The following FSTL4 variants were observed in gnomAD, a reference collection of about 807,000 sequenced individuals.
The protein encoded by FSTL4 is follistatin-related protein 4.
A neutral mutation model predicts 78.2 loss-of-function variants in FSTL4; 28 were observed. That is an observed-to-expected ratio of 0.36 (90% confidence interval 0.27 to 0.49). The LOEUF (loss-of-function observed/expected upper bound fraction) is 0.49, where lower values mean the gene tolerates loss of function less well. FSTL4 is among the 20% of genes least tolerant of loss of function. The pLI, the probability that FSTL4 is intolerant of heterozygous loss-of-function variation, is 0.98. For synonymous variants in FSTL4, 422 were observed against 440.5 expected (o/e 0.96, Z 0.53); for missense variants, 922 against 1,084.9 (o/e 0.85, Z 2.11).
chr5:133,799,484 C>T, the FSTL4 span, among the ~76,000 whole-genome samples: 2 of 138,834 alleles, frequency 1.4e-5, 1 homozygote, highest in African/African-American at 5.3e-5. Flanking sequence ...GAGCTCCTGA[C>T]AGGTGAGCCA....
At chr5:133,421,664 G>A (rs1756699569) in intron 3 of FSTL4, among the ~76,000 whole-genome samples, 1 of 152,214 alleles carries the variant, frequency 6.6e-6, no homozygotes, top group Non-Finnish European at 1.5e-5. Flanking sequence ...TCTAAGTGCT[G>A]CTCTCAGGAG....
chr5:133,828,396 GTC>G, the FSTL4 span, among the ~76,000 whole-genome samples: 395 of 152,266 alleles, frequency 2.6e-3, 4 homozygotes, highest in African/African-American at 8.9e-3. Flanking sequence ...ACTGTGCTTT[GTC>G]TCTATTTTCC....
At chr5:133,782,670 ACT>A in the FSTL4 span, among the ~76,000 whole-genome samples, 1 of 152,132 alleles carries the variant, frequency 6.6e-6, no homozygotes, top group African/African-American at 2.4e-5. Flanking sequence ...CATCCGTCAA[ACT>A]CTCTGTGACA....
At chr5:133,217,121 G>C in intron 13 of FSTL4, 108 bp downstream of exon 13, 1 of 842,660 alleles carries the variant, frequency 1.2e-6, no homozygotes, top group Non-Finnish European at 1.9e-6. Flanking sequence ...TCTCCCTTCA[G>C]TCTGACCACC....
the FSTL4 span, among the ~76,000 whole-genome samples, chr5:133,659,337 A>C: frequency 6.6e-6 from 1 of 152,062 alleles, no homozygotes; most frequent in Non-Finnish European, 1.5e-5. Context: ...TGTTTTACCA[A>C]TATATAGCAT....
chr5:133,222,056 C>A (rs1751152974), intron 11 of FSTL4, among the ~76,000 whole-genome samples: 3 of 151,736 alleles, frequency 2.0e-5, no homozygotes, highest in African/African-American at 7.3e-5. Context: ...GTTTTCTGGG[C>A]CTTGGGTCCT....
At chr5:133,282,377 G>A (rs181399482) in intron 6 of FSTL4, among the ~76,000 whole-genome samples, 50 of 152,284 alleles carry the variant, frequency 3.3e-4, no homozygotes, top group African/African-American at 1.1e-3. Context: ...TTCCAGGGTA[G>A]GAAATCTGTG....
At chr5:133,750,472 C>T in the FSTL4 span, among the ~76,000 whole-genome samples, 1 of 152,124 alleles carries the variant, frequency 6.6e-6, no homozygotes, top group Non-Finnish European at 1.5e-5. Flanking sequence ...AGCCCAGGCC[C>T]CCCAGGGTGT....
At chr5:133,738,344 A>T in the FSTL4 span, among the ~76,000 whole-genome samples, 1 of 152,236 alleles carries the variant, frequency 6.6e-6, no homozygotes, top group Non-Finnish European at 1.5e-5. Context: ...AGAGCATTTC[A>T]TAACTCAGAC....
At chr5:133,356,568 T>G (rs1754949032) in intron 4 of FSTL4, among the ~76,000 whole-genome samples, 1 of 152,238 alleles carries the variant, frequency 6.6e-6, no homozygotes, top group African/African-American at 2.4e-5. Context: ...CTCTCAGCTT[T>G]CTTCAGATGG....
chr5:133,673,611 C>T, the FSTL4 span, among the ~76,000 whole-genome samples: 148 of 152,334 alleles, frequency 9.7e-4, 2 homozygotes, highest in Admixed American at 8.5e-4. Context: ...TCATCTGCTT[C>T]TACTTTGAAT....
chr5:133,614,873 G>A (rs1001559878), upstream of FSTL4, among the ~76,000 whole-genome samples: 1 of 152,122 alleles, frequency 6.6e-6, no homozygotes, highest in Non-Finnish European at 1.5e-5. Flanking sequence ...TTCAGCCAGA[G>A]ACACACATAA....
intron 7 of FSTL4, among the ~76,000 whole-genome samples, chr5:133,235,499 C>CAAAAA (rs71581361): frequency 5.1e-5 from 5 of 97,542 alleles, no homozygotes; most frequent in Non-Finnish European, 6.6e-5. Flanking sequence ...ACCCCACCTC[C>CAAAAA]AAAAAAAAAA....
At chr5:133,346,673 G>A (rs1754703855) in intron 4 of FSTL4, among the ~76,000 whole-genome samples, 1 of 152,032 alleles carries the variant, frequency 6.6e-6, no homozygotes, top group Non-Finnish European at 1.5e-5. Context: ...CTATATCTTA[G>A]CTCAGCTCTG....
At chr5:133,592,392 AG>A (rs2112968058) in intron 2 of FSTL4, among the ~76,000 whole-genome samples, 1 of 152,364 alleles carries the variant, frequency 6.6e-6, no homozygotes, top group African/African-American at 2.4e-5. Flanking sequence ...TTGTAACACA[AG>A]AACAGTCATT....
chr5:133,286,876 T>C (rs565701272), intron 6 of FSTL4, among the ~76,000 whole-genome samples: 4 of 152,206 alleles, frequency 2.6e-5, no homozygotes, highest in Non-Finnish European at 5.9e-5. Flanking sequence ...TCAGACCACA[T>C]CTCTCCATGG....
the FSTL4 span, among the ~76,000 whole-genome samples, chr5:133,676,114 G>A: frequency 1.3e-5 from 2 of 152,214 alleles, no homozygotes; most frequent in Non-Finnish European, 2.9e-5. Flanking sequence ...AAGAGGCGTC[G>A]TTAGAGACCA....
intron 6 of FSTL4, among the ~76,000 whole-genome samples, chr5:133,281,743 C>G (rs1487891522): frequency 6.6e-6 from 1 of 152,136 alleles, no homozygotes; most frequent in Non-Finnish European, 1.5e-5. Context: ...CTAGGGCAGT[C>G]CCAGCCCCCA....
At chr5:133,309,032 CA>C (rs1753716573) in intron 6 of FSTL4, among the ~76,000 whole-genome samples, 1 of 152,224 alleles carries the variant, frequency 6.6e-6, no homozygotes, top group Non-Finnish European at 1.5e-5. Context: ...CTTGTTTTAG[CA>C]ACGTGTTTTC....
Sources: allele counts gnomAD v4.1 joint callset (sites outside exome capture counted in the v4.1 genomes callset), GRCh38; gene constraint gnomAD v4.1.1; transcripts MANE v1.5; gene names NCBI Gene and HGNC (gene_info 2026-07-23, HGNC 2026-07-21).